GPC5: variants seen among roughly 807,000 people sequenced by gnomAD.
GPC5 encodes glypican 5, also known as glypican-5.
In GPC5, 47 loss-of-function variants were observed where a neutral mutation model predicts 53.9. That is an observed-to-expected ratio of 0.87 (90% CI 0.69 to 1.11). The LOEUF (loss-of-function observed/expected upper bound fraction) is 1.11. Among genes scored for constraint, GPC5 ranks in the 50% most tolerant of loss-of-function variants. The pLI is 0.00. For synonymous variants in GPC5, 286 were observed against 263.3 expected (o/e 1.09, Z -0.84); for missense variants, 748 against 713.1 (o/e 1.05, Z -0.56).
chr13:91,648,708 GCACACACACACGTA>G (rs2034622748), intron 2 of GPC5, among the ~76,000 whole-genome samples: 1 of 151,748 alleles, frequency 6.6e-6, no homozygotes, highest in Non-Finnish European at 1.5e-5. Context: ...ACACATGCAT[GCACACACACACGTA>G]CACTCAGATA....
At chr13:92,704,877 C>A (rs944167402) in intron 7 of GPC5, among the ~76,000 whole-genome samples, 2 of 149,682 alleles carry the variant, frequency 1.3e-5, no homozygotes, top group Non-Finnish European at 3.0e-5. Context: ...TATATATATA[C>A]TCAATGTGTG....
intron 6 of GPC5, among the ~76,000 whole-genome samples, chr13:91,924,978 C>T (rs2039753026): frequency 6.6e-6 from 1 of 151,822 alleles, no homozygotes. Flanking sequence ...TGCCAACACG[C>T]CCAGCTAATT....
At chr13:91,589,743 G>T (rs2032728247) in intron 2 of GPC5, among the ~76,000 whole-genome samples, 1 of 151,922 alleles carries the variant, frequency 6.6e-6, no homozygotes, top group Admixed American at 6.6e-5. Flanking sequence ...TGAGTGTCTG[G>T]GTGGCCATGT....
chr13:91,764,335 G>A (rs545784049), intron 5 of GPC5, among the ~76,000 whole-genome samples: 50 of 152,276 alleles, frequency 3.3e-4, no homozygotes, highest in African/African-American at 1.2e-3. Context: ...CAGGTCTTCC[G>A]TATCTCTCTT....
intron 1 of GPC5, among the ~76,000 whole-genome samples, chr13:91,410,522 A>AT (rs997611946): frequency 2.0e-5 from 3 of 150,646 alleles, no homozygotes; most frequent in Non-Finnish European, 3.0e-5. Flanking sequence ...ATTTTTTTGT[A>AT]TTTTTAGTAG....
chr13:91,436,308 T>G (rs1024203419), intron 1 of GPC5, among the ~76,000 whole-genome samples: 7 of 152,120 alleles, frequency 4.6e-5, no homozygotes, highest in Admixed American at 2.6e-4. Context: ...TTTCCTGCTT[T>G]CTCTTGTGGG....
In GPC5 at chr13:92,762,564, T is replaced by G. The variant is rs1875227192; in HGVS notation, c.1562-103718T>G. On this transcript the variant is annotated intron_variant, in intron 7 of 7. Coordinates refer to ENST00000377067, the MANE Select transcript of GPC5 (RefSeq NM_004466.6). ...TAATGTATGTCAGGACCTCTTCAAG[T>G]TGAACATGTCTGGAGTCTTTTGAGC... is the stretch of plus-strand genomic sequence containing the variant. 3.9e-5 allele frequency among the ~76,000 whole-genome samples: 6 copies of G among 152,310 alleles called. No homozygotes were observed. In the South Asian group the frequency reaches 1.2e-3, roughly 32 times the overall value.
intron 7 of GPC5, among the ~76,000 whole-genome samples, chr13:92,817,956 C>G (rs1877533012): frequency 6.6e-6 from 1 of 150,544 alleles, no homozygotes; most frequent in Non-Finnish European, 1.5e-5. Context: ...AGCATTTCTA[C>G]AAAACTTTCC....
intron 7 of GPC5, among the ~76,000 whole-genome samples, chr13:92,664,134 G>A (rs1224458770): frequency 6.6e-6 from 1 of 151,884 alleles, no homozygotes; most frequent in African/African-American, 2.4e-5. Flanking sequence ...AGTTGTAGCT[G>A]TTGCTCTGGC....
chr13:92,637,607 C>A (rs552793661), intron 7 of GPC5, among the ~76,000 whole-genome samples: 116 of 152,306 alleles, frequency 7.6e-4, no homozygotes, highest in Non-Finnish European at 1.5e-3. Context: ...CCAAGCAAAG[C>A]TTAAAAGCAA....
intron 6 of GPC5, among the ~76,000 whole-genome samples, chr13:91,991,856 T>G (rs2040459670): frequency 1.1e-5 from 1 of 89,838 alleles, no homozygotes; most frequent in African/African-American, 5.9e-5. Flanking sequence ...TCCTGCAAAA[T>G]CGCTACATTT....
chr13:92,605,885 A>G (rs1884241217), intron 7 of GPC5, among the ~76,000 whole-genome samples: 1 of 152,258 alleles, frequency 6.6e-6, no homozygotes, highest in African/African-American at 2.4e-5. Flanking sequence ...GTTATTAATC[A>G]GTAATATAAA....
chr13:92,179,902 G>C (rs1415870323), intron 7 of GPC5, among the ~76,000 whole-genome samples: 1 of 152,098 alleles, frequency 6.6e-6, no homozygotes. Flanking sequence ...CTTTAGATGG[G>C]GAAAGATATC....
At chr13:92,770,655 T>C (rs1006417903) in intron 7 of GPC5, among the ~76,000 whole-genome samples, 2 of 152,200 alleles carry the variant, frequency 1.3e-5, no homozygotes, top group African/African-American at 4.8e-5. Context: ...CTCTAAAACA[T>C]CTTTGTCATC....
At chr13:91,652,156 T>C (rs1394264756) in intron 2 of GPC5, among the ~76,000 whole-genome samples, 1 of 152,234 alleles carries the variant, frequency 6.6e-6, no homozygotes, top group Non-Finnish European at 1.5e-5. Context: ...TTGTCATCAA[T>C]AAGAGCATGT....
chr13:91,976,657 C>A (rs745824970), intron 6 of GPC5, among the ~76,000 whole-genome samples: 1 of 152,070 alleles, frequency 6.6e-6, no homozygotes, highest in South Asian at 2.1e-4. Flanking sequence ...AGTGATCTGG[C>A]GAGTTTCAGT....
chr13:92,216,515 G>C (rs1021549735), intron 7 of GPC5, among the ~76,000 whole-genome samples: 22 of 152,172 alleles, frequency 1.4e-4, no homozygotes, highest in African/African-American at 5.3e-4. Context: ...GGAAAGTTCA[G>C]TTCCTTGATA....
At chr13:92,043,409 G>T (rs1388507564) in intron 6 of GPC5, among the ~76,000 whole-genome samples, 1 of 152,120 alleles carries the variant, frequency 6.6e-6, no homozygotes, top group Non-Finnish European at 1.5e-5. Flanking sequence ...GAAAATGTGA[G>T]GAGCAAGGGA....
chr13:91,849,906 G>C (rs1193256054), intron 5 of GPC5, among the ~76,000 whole-genome samples: 1 of 152,114 alleles, frequency 6.6e-6, no homozygotes, highest in African/African-American at 2.4e-5. Flanking sequence ...CATACCTTCA[G>C]TGTAAAGATG....
Sources: allele counts gnomAD v4.1 joint callset (sites outside exome capture counted in the v4.1 genomes callset), GRCh38; gene constraint gnomAD v4.1.1; transcripts MANE v1.5; gene names NCBI Gene and HGNC (gene_info 2026-07-23, HGNC 2026-07-21).